ECRG4: variants seen among roughly 807,000 people sequenced by gnomAD.
ECRG4 encodes the protein augurin.
In ECRG4, 18 loss-of-function variants were observed where a neutral mutation model predicts 15.8. That is an observed-to-expected ratio of 1.14 (90% CI 0.79 to 1.69). The LOEUF is 1.69. ECRG4 is among the 40% of genes most tolerant of loss of function. The pLI, the probability that ECRG4 is intolerant of heterozygous loss-of-function variation, is 0.00. For missense variants in ECRG4, 200 were observed against 190.9 expected (o/e 1.05, Z -0.28); for synonymous variants, 82 against 73.9 (o/e 1.11, Z -0.56).
At chr2:106,074,319 T>C (rs1369594007) in intron 3 of ECRG4, 1 of 360,366 alleles carries the variant, frequency 2.8e-6, no homozygotes, top group Non-Finnish European at 5.1e-6. Context: ...AGAATCTGAC[T>C]TTCTCGGGAA....
intron 1 of ECRG4, among the ~76,000 whole-genome samples, chr2:106,067,992 C>A (rs369420827): frequency 5.6e-5 from 7 of 125,458 alleles, no homozygotes; most frequent in Non-Finnish European, 3.4e-5. Context: ...GTTGACTCCA[C>A]GCCTGGCAAT....
At chr2:106,076,499 G>GTGAGACCCC (rs1676489865) in intron 3 of ECRG4, among the ~76,000 whole-genome samples, 2 of 152,172 alleles carry the variant, frequency 1.3e-5, no homozygotes, top group Non-Finnish European at 2.9e-5. Context: ...CCCAGGTATA[G>GTGAGACCCC]AGAATGGCAG....
rs1676522728 is a variant in ECRG4 at position 106,077,991 on chromosome 2, T to A, written c.*65T>A. 4 of 1,456,342 alleles carry A rather than the reference T, an allele frequency of 2.7e-6. No homozygotes were observed. The highest frequency in any genetic ancestry group is 2.8e-6 in the Non-Finnish European group (3 of 1,076,924). The allele number at this position is 1,456,342 out of a possible 1,614,324, so 90.2% of individuals were successfully genotyped here. On this transcript the variant is annotated 3_prime_UTR_variant, in exon 4 of 4. Transcript: ENST00000238044. ...TTCTCTTCATGTATCTCCTAATGCC[T>A]TACACTACTTGGTTTCTGATTTGCT...
chr2:106,071,200 T>C (rs1445622601), intron 1 of ECRG4, among the ~76,000 whole-genome samples: 1 of 151,862 alleles, frequency 6.6e-6, no homozygotes, highest in Non-Finnish European at 1.5e-5. Flanking sequence ...TGCCTCTGTC[T>C]TCACATGGGT....
chr2:106,064,079 AAGT>A (rs201085922), upstream of ECRG4, among the ~76,000 whole-genome samples: 1,651 of 152,294 alleles, frequency 0.011, 39 homozygotes, highest in African/African-American at 0.038. Context: ...CCTCAGGCAA[AAGT>A]AAATATATGC....
intron 1 of ECRG4, 57 bp from the exon 2 acceptor site, chr2:106,071,786 TG>T: frequency 6.8e-7 from 1 of 1,473,346 alleles, no homozygotes; most frequent in Non-Finnish European, 9.4e-7. Context: ...TTTTTGCCTT[TG>T]ATAAATTGAA....
upstream of ECRG4, chr2:106,065,630 C>CT (rs1676191820): frequency 3.4e-6 from 2 of 594,812 alleles, no homozygotes; most frequent in Non-Finnish European, 5.1e-6. Context: ...CGCCCACCCG[C>CT]TGGGTCCCGC....
At chr2:106,071,786 T>A in intron 1 of ECRG4, 58 bp from the exon 2 acceptor site, 1 of 1,473,346 alleles carries the variant, frequency 6.8e-7, no homozygotes, top group Non-Finnish European at 9.4e-7. Context: ...TTTTTGCCTT[T>A]GATAAATTGA....
chr2:106,077,368 G>C (rs1676508554), intron 3 of ECRG4, among the ~76,000 whole-genome samples: 2 of 152,190 alleles, frequency 1.3e-5, no homozygotes. Context: ...AGTATAAAGG[G>C]CCAGGCACAG....
chr2:106,071,990 C>T (rs1365127276), intron 2 of ECRG4, 99 bp downstream of exon 2: 3 of 1,042,376 alleles, frequency 2.9e-6, no homozygotes, highest in Non-Finnish European at 2.9e-6. Context: ...TTTGGAAAAT[C>T]AAAAGTGTTT....
intron 1 of ECRG4, among the ~76,000 whole-genome samples, chr2:106,066,697 G>C (rs371731800): frequency 6.6e-6 from 1 of 152,160 alleles, no homozygotes; most frequent in Non-Finnish European, 1.5e-5. Flanking sequence ...GACTGGCGCT[G>C]TCCCACTGCA....
intron 3 of ECRG4, among the ~76,000 whole-genome samples, chr2:106,075,596 C>T (rs897266843): frequency 1.3e-5 from 2 of 152,288 alleles, no homozygotes; most frequent in African/African-American, 2.4e-5. Context: ...GTGGCTCACG[C>T]CTGTAGTCTC....
intron 1 of ECRG4, among the ~76,000 whole-genome samples, chr2:106,067,876 C>A (rs1390772329): frequency 6.6e-6 from 1 of 151,596 alleles, no homozygotes; most frequent in Admixed American, 6.6e-5. Context: ...ACTTTGTTGC[C>A]TAGGCAGGAG....
chr2:106,066,833 G>A (rs540613580), intron 1 of ECRG4, among the ~76,000 whole-genome samples: 2 of 152,288 alleles, frequency 1.3e-5, no homozygotes, highest in South Asian at 4.1e-4. Flanking sequence ...ACATTCAGTA[G>A]GAGCCCTGGG....
At chr2:106,073,558 G>A (rs1676416185) in intron 2 of ECRG4, among the ~76,000 whole-genome samples, 1 of 152,216 alleles carries the variant, frequency 6.6e-6, no homozygotes, top group Admixed American at 6.5e-5. Flanking sequence ...CTGAGGGGTG[G>A]GCCATTTGCC....
intron 3 of ECRG4, 135 bp from the exon 4 acceptor site, chr2:106,077,630 G>A (rs541023780): frequency 5.1e-5 from 38 of 743,854 alleles, no homozygotes; most frequent in African/African-American, 2.3e-4. Flanking sequence ...ACAAGAATAC[G>A]GTAACAGGGA....
Position 106,077,995 on chromosome 2 carries a change from A to G in ECRG4, c.*69A>G, listed in dbSNP as rs925440757. On this transcript the variant is annotated 3_prime_UTR_variant, in exon 4 of 4. Transcript: ENST00000238044. ...CTTCATGTATCTCCTAATGCCTTAC[A>G]CTACTTGGTTTCTGATTTGCTCTAT... is the stretch of plus-strand genomic sequence containing the variant. The G allele has an allele frequency of 1.6e-5, 23 of 1,431,286 alleles. No homozygotes were observed. Among genetic ancestry groups the G allele is most frequent in the East Asian group, 4.9e-5 (2 of 40,922 alleles). 88.7% of individuals were successfully genotyped at this position (1,431,286 alleles called of 1,614,324 possible).
At chr2:106,071,998 T>C in intron 2 of ECRG4, 107 bp downstream of exon 2, 1 of 925,778 alleles carries the variant, frequency 1.1e-6, no homozygotes, top group South Asian at 1.5e-5. Context: ...ATCAAAAGTG[T>C]TTACTCCTTA....
upstream of ECRG4, among the ~76,000 whole-genome samples, chr2:106,063,573 G>C (rs1027198981): frequency 6.6e-6 from 1 of 152,090 alleles, no homozygotes; most frequent in Non-Finnish European, 1.5e-5. Flanking sequence ...GTCATATCCC[G>C]ATTAAGTGAA....
Sources: allele counts gnomAD v4.1 joint callset (sites outside exome capture counted in the v4.1 genomes callset), GRCh38; gene constraint gnomAD v4.1.1; transcripts MANE v1.5; gene names NCBI Gene and HGNC (gene_info 2026-07-23, HGNC 2026-07-21).